The following HEMK2 variants were observed in gnomAD, a reference collection of about 807,000 sequenced individuals.
HEMK2 encodes the protein HemK methyltransferase 2, ETF1 glutamine and histone H4 lysine.
the HEMK2 span, among the ~76,000 whole-genome samples, chr21:28,751,294 C>T: frequency 6.6e-6 from 1 of 151,064 alleles, no homozygotes; most frequent in Non-Finnish European, 1.5e-5. Flanking sequence ...TCCTAAGTTA[C>T]TCACTACCTA....
the HEMK2 span, among the ~76,000 whole-genome samples, chr21:28,721,623 T>A: frequency 6.6e-6 from 1 of 152,148 alleles, no homozygotes; most frequent in Non-Finnish European, 1.5e-5. Context: ...TAAGAATTTA[T>A]AGTGAAAATA....
chr21:28,683,738 A>G, the HEMK2 span, among the ~76,000 whole-genome samples: 2 of 152,218 alleles, frequency 1.3e-5, no homozygotes, highest in Non-Finnish European at 2.9e-5. Context: ...AGCACAGCAT[A>G]TTGTAAAAAA....
the HEMK2 span, among the ~76,000 whole-genome samples, chr21:28,688,423 C>G: frequency 6.6e-6 from 1 of 152,132 alleles, no homozygotes; most frequent in Non-Finnish European, 1.5e-5. Flanking sequence ...CTTTTATCTT[C>G]AGATGCTGCT....
At chr21:28,867,530 T>C in the HEMK2 span, among the ~76,000 whole-genome samples, 3 of 152,216 alleles carry the variant, frequency 2.0e-5, no homozygotes, top group Non-Finnish European at 4.4e-5. Flanking sequence ...TTTACTCCAC[T>C]TGCAACCCAA....
At chr21:28,845,569 C>G in the HEMK2 span, among the ~76,000 whole-genome samples, 1 of 151,920 alleles carries the variant, frequency 6.6e-6, no homozygotes, top group Non-Finnish European at 1.5e-5. Context: ...ATATGCCTTT[C>G]CATTTGTTCA....
At chr21:28,758,688 A>G in the HEMK2 span, among the ~76,000 whole-genome samples, 1 of 152,302 alleles carries the variant, frequency 6.6e-6, no homozygotes, top group Non-Finnish European at 1.5e-5. Flanking sequence ...GCATTGTATT[A>G]AATTCTTTGG....
chr21:28,743,250 G>A, the HEMK2 span: 354 of 152,220 alleles, frequency 2.3e-3, 3 homozygotes, highest in African/African-American at 7.9e-3. Flanking sequence ...TGGCCTCTGC[G>A]CCAGGATGAC....
the HEMK2 span, among the ~76,000 whole-genome samples, chr21:28,611,106 C>T: frequency 1.3e-5 from 2 of 152,142 alleles, no homozygotes; most frequent in African/African-American, 2.4e-5. Context: ...ACATTCTATC[C>T]ATCAGCATAT....
At chr21:28,810,205 T>C in the HEMK2 span, among the ~76,000 whole-genome samples, 1 of 152,104 alleles carries the variant, frequency 6.6e-6, no homozygotes, top group Non-Finnish European at 1.5e-5. Context: ...AGGACACAAA[T>C]TTTTCCCACC....
the HEMK2 span, among the ~76,000 whole-genome samples, chr21:28,673,486 A>G: frequency 6.9e-6 from 1 of 145,110 alleles, no homozygotes; most frequent in Admixed American, 6.9e-5. Flanking sequence ...TAGCTCACAT[A>G]TAACCCACAT....
the HEMK2 span, among the ~76,000 whole-genome samples, chr21:28,614,795 C>T: frequency 6.6e-6 from 1 of 152,176 alleles, no homozygotes; most frequent in African/African-American, 2.4e-5. Flanking sequence ...CACAGGCTCA[C>T]CTAGAGAATT....
chr21:28,687,101 T>G, the HEMK2 span, among the ~76,000 whole-genome samples: 1 of 152,204 alleles, frequency 6.6e-6, no homozygotes, highest in Non-Finnish European at 1.5e-5. Context: ...CCTCTCACAT[T>G]ATACCCCCTG....
chr21:28,636,525 C>T, the HEMK2 span, among the ~76,000 whole-genome samples: 1 of 152,130 alleles, frequency 6.6e-6, no homozygotes. Flanking sequence ...ATTAACTACC[C>T]TAAGCATGCC....
chr21:28,744,005 T>C, the HEMK2 span, among the ~76,000 whole-genome samples: 1 of 152,046 alleles, frequency 6.6e-6, no homozygotes, highest in Non-Finnish European at 1.5e-5. Context: ...AAATGCCACA[T>C]GTTCTCACTA....
the HEMK2 span, among the ~76,000 whole-genome samples, chr21:28,882,503 A>G: frequency 6.6e-6 from 1 of 152,324 alleles, no homozygotes; most frequent in South Asian, 2.1e-4. Context: ...GAATTTATGA[A>G]TTATACATCC....
At chr21:28,705,709 G>A in the HEMK2 span, among the ~76,000 whole-genome samples, 4 of 152,024 alleles carry the variant, frequency 2.6e-5, no homozygotes, top group Non-Finnish European at 5.9e-5. Flanking sequence ...CAAGGCTCTC[G>A]CTGGGCCAAA....
At chr21:28,593,474 G>A in the HEMK2 span, among the ~76,000 whole-genome samples, 1 of 152,176 alleles carries the variant, frequency 6.6e-6, no homozygotes, top group Non-Finnish European at 1.5e-5. Context: ...TGAGCAATGA[G>A]TAGACCCAGA....
At chr21:28,826,149 A>G in the HEMK2 span, among the ~76,000 whole-genome samples, 2 of 152,218 alleles carry the variant, frequency 1.3e-5, no homozygotes, top group African/African-American at 4.8e-5. Context: ...GTTCAGCACA[A>G]ACAGAACCAT....
At chr21:28,753,833 G>A in the HEMK2 span, among the ~76,000 whole-genome samples, 1 of 152,108 alleles carries the variant, frequency 6.6e-6, no homozygotes, top group Non-Finnish European at 1.5e-5. Context: ...TCAAACACAC[G>A]TGCACACGCA....
Sources: gnomAD v4.1 joint callset for allele counts (sites outside exome capture counted in the v4.1 genomes callset) on GRCh38, gnomAD v4.1.1 for gene constraint, MANE v1.5 for transcripts, NCBI Gene and HGNC (gene_info 2026-07-23, HGNC 2026-07-21) for gene names.